The following ELAVL2 variants were observed in gnomAD, a reference collection of about 807,000 sequenced individuals.
The protein encoded by ELAVL2 is ELAV-like protein 2.
In ELAVL2, 4 loss-of-function variants were observed where a neutral mutation model predicts 34.6. The observed-to-expected ratio is 0.12, with a 90% CI of 0.06 to 0.26. ELAVL2 has a LOEUF of 0.26. ELAVL2 is among the 10% of genes least tolerant of loss of function. The pLI is 1.00. For missense variants in ELAVL2, 432 were observed against 442.8 expected (o/e 0.98, Z 0.22); for synonymous variants, 193 against 154.8 (o/e 1.25, Z -1.83).
At chr9:23,829,940 T>G (rs2065446180), upstream of ELAVL2, 1 of 152,182 alleles carries the variant, frequency 6.6e-6, no homozygotes, top group Non-Finnish European at 1.5e-5. Context: ...CTCATTTATT[T>G]TGAATTAGGC....
intron 4 of ELAVL2, among the ~76,000 whole-genome samples, chr9:23,703,485 G>A (rs188958702): frequency 1.2e-4 from 18 of 152,260 alleles, no homozygotes; most frequent in African/African-American, 4.3e-4. Context: ...TCTCATGACA[G>A]CAAAATCTGT....
intron 1 of ELAVL2, among the ~76,000 whole-genome samples, chr9:23,824,772 C>G (rs1353391278): frequency 6.6e-6 from 1 of 152,200 alleles, no homozygotes; most frequent in African/African-American, 2.4e-5. Flanking sequence ...AAGCGTGTGC[C>G]TATCTGCCCA....
At chr9:23,763,022 C>T (rs953902845) in intron 1 of ELAVL2, among the ~76,000 whole-genome samples, 1 of 151,936 alleles carries the variant, frequency 6.6e-6, no homozygotes, top group African/African-American at 2.4e-5. Flanking sequence ...AAATAAAATC[C>T]CCAAACACTT....
intron 2 of ELAVL2, among the ~76,000 whole-genome samples, chr9:23,750,073 A>C (rs1353680169): frequency 6.6e-6 from 1 of 151,914 alleles, no homozygotes; most frequent in Non-Finnish European, 1.5e-5. Flanking sequence ...TTGTCCAACT[A>C]TAAAGGCTAG....
At chr9:23,779,171 T>C (rs868569953) in intron 1 of ELAVL2, 15 of 983,328 alleles carry the variant, frequency 1.5e-5, no homozygotes, top group Middle Eastern at 5.2e-4. Flanking sequence ...AAACCACAAA[T>C]TGTATTTTGG....
At chr9:23,824,467 G>A (rs1303538906) in intron 1 of ELAVL2, among the ~76,000 whole-genome samples, 1 of 152,132 alleles carries the variant, frequency 6.6e-6, no homozygotes, top group Non-Finnish European at 1.5e-5. Flanking sequence ...TAGAGTGGGT[G>A]GGGTGAGGAG....
At chr9:23,752,801 T>TC (rs2052475783) in intron 2 of ELAVL2, among the ~76,000 whole-genome samples, 1 of 152,068 alleles carries the variant, frequency 6.6e-6, no homozygotes, top group Admixed American at 6.6e-5. Context: ...CTTGCTTTTT[T>TC]CCCCCTTAAA....
chr9:23,754,206 T>C (rs528672026), intron 2 of ELAVL2, among the ~76,000 whole-genome samples: 1 of 152,066 alleles, frequency 6.6e-6, no homozygotes, highest in South Asian at 2.1e-4. Context: ...TATCAGGAAA[T>C]CAGAGAAACA....
the ELAVL2 span, among the ~76,000 whole-genome samples, chr9:23,846,501 T>A: frequency 6.6e-6 from 1 of 152,034 alleles, no homozygotes; most frequent in African/African-American, 2.4e-5. Flanking sequence ...TTAAAATCAC[T>A]CTGCTTATTT....
intron 1 of ELAVL2, among the ~76,000 whole-genome samples, chr9:23,784,325 C>G (rs578110060): frequency 6.6e-6 from 1 of 152,300 alleles, no homozygotes; most frequent in African/African-American, 2.4e-5. Context: ...AATTGCAGTT[C>G]ATGCCATGAA....
chr9:23,773,352 A>G (rs1479331599), intron 1 of ELAVL2, among the ~76,000 whole-genome samples: 2 of 149,736 alleles, frequency 1.3e-5, no homozygotes, highest in African/African-American at 2.5e-5. Context: ...AAAGGGGTCA[A>G]TATGCTTAGA....
intron 1 of ELAVL2, among the ~76,000 whole-genome samples, chr9:23,766,468 A>G (rs2056279256): frequency 1.3e-5 from 2 of 152,130 alleles, no homozygotes; most frequent in African/African-American, 4.8e-5. Context: ...AGTTCAATCT[A>G]AACATTGCTC....
chr9:23,829,191 C>T (rs556033869), upstream of ELAVL2, among the ~76,000 whole-genome samples: 20 of 152,118 alleles, frequency 1.3e-4, no homozygotes, highest in Non-Finnish European at 2.8e-4. Context: ...GGAATGACTG[C>T]GAACTTGGAG....
the ELAVL2 span, among the ~76,000 whole-genome samples, chr9:23,839,331 G>C: frequency 1.3e-5 from 2 of 151,756 alleles, no homozygotes; most frequent in Admixed American, 6.6e-5. Context: ...AAGTGCCGCT[G>C]CCCTCACTCA....
At chr9:23,715,494 T>G (rs1405751440) in intron 3 of ELAVL2, among the ~76,000 whole-genome samples, 2 of 152,358 alleles carry the variant, frequency 1.3e-5, no homozygotes, top group Non-Finnish European at 2.9e-5. Flanking sequence ...TTAGAAGTTG[T>G]GGCATTTGCC....
At chr9:23,751,013 A>C (rs2051842357) in intron 2 of ELAVL2, among the ~76,000 whole-genome samples, 1 of 152,168 alleles carries the variant, frequency 6.6e-6, no homozygotes, top group Admixed American at 6.5e-5. Flanking sequence ...TCTCAGTATT[A>C]AGTCCAAAGG....
chr9:23,749,401 C>T (rs781398507), intron 2 of ELAVL2, among the ~76,000 whole-genome samples: 4 of 152,044 alleles, frequency 2.6e-5, no homozygotes, highest in Non-Finnish European at 5.9e-5. Flanking sequence ...GGGTTTTGTT[C>T]TGTAAGCCAG....
chr9:23,796,496 T>A (rs915147688), intron 1 of ELAVL2, among the ~76,000 whole-genome samples: 3 of 152,238 alleles, frequency 2.0e-5, no homozygotes, highest in Non-Finnish European at 2.9e-5. Flanking sequence ...AGCAAAATAC[T>A]GCCAAAAGGC....
intron 2 of ELAVL2, among the ~76,000 whole-genome samples, chr9:23,744,136 T>C (rs1445366543): frequency 2.0e-5 from 3 of 152,136 alleles, no homozygotes; most frequent in Non-Finnish European, 4.4e-5. Context: ...TGGGATCTCA[T>C]CTGTGGGAAA....
Sources: allele counts gnomAD v4.1 joint callset (sites outside exome capture counted in the v4.1 genomes callset), GRCh38; gene constraint gnomAD v4.1.1; transcripts MANE v1.5; gene names NCBI Gene and HGNC (gene_info 2026-07-23, HGNC 2026-07-21).